Variants in EDARADD observed in about 807,000 individuals in gnomAD.
EDARADD encodes the protein ectodysplasin-A receptor-associated adapter protein.
A neutral mutation model predicts 25.6 loss-of-function variants in EDARADD; 20 were observed. The ratio of observed to expected loss-of-function variants is 0.78; its 90% CI spans 0.55 to 1.14. The LOEUF is 1.14. Among genes scored for constraint, EDARADD ranks in the 50% most tolerant of loss-of-function variants. The pLI is 0.00. For missense variants in EDARADD, 225 were observed against 270.1 expected (o/e 0.83, Z 1.17); for synonymous variants, 86 against 94.4 (o/e 0.91, Z 0.52).
intron 2 of EDARADD, among the ~76,000 whole-genome samples, chr1:236,410,612 C>T (rs551884120): frequency 2.6e-5 from 4 of 152,240 alleles, no homozygotes; most frequent in South Asian, 2.1e-4. Flanking sequence ...AGGGCCAAAG[C>T]GGTGCTCTCT....
At chr1:236,367,472 G>C (rs1432070489) in intron 3 of EDARADD, among the ~76,000 whole-genome samples, 2 of 151,846 alleles carry the variant, frequency 1.3e-5, no homozygotes, top group Non-Finnish European at 2.9e-5. Flanking sequence ...CAGGTGATCC[G>C]CCCACCTCAG....
upstream of EDARADD, among the ~76,000 whole-genome samples, chr1:236,391,327 C>A (rs1667424159): frequency 6.6e-6 from 1 of 152,122 alleles, no homozygotes; most frequent in Admixed American, 6.5e-5. Context: ...GACACTATTA[C>A]CAGAAGTTAG....
In EDARADD at chr1:236,483,964, C is replaced by T. The variant is rs1294977542; in HGVS notation, c.*1315C>T. On this transcript the variant is annotated 3_prime_UTR_variant, in exon 6 of 6. Transcript: ENST00000334232. Reference sequence around the variant, plus strand: ...CTGGAATTCAAGTTTCTCGACGACCCCACCAGGTACATCTCACCTGACTGT... The same window carrying T: ...CTGGAATTCAAGTTTCTCGACGACCTCACCAGGTACATCTCACCTGACTGT... The T allele has an allele frequency of 1.0e-5, 14 of 1,367,556 alleles. No individual in the cohort carries two copies. The highest frequency in any genetic ancestry group is 4.3e-5 in the African/African-American group (3 of 70,008). The allele number at this position is 1,367,556 out of a possible 1,614,324, so 84.7% of individuals were successfully genotyped here. A position where few individuals can be genotyped will look rare whatever the true frequency, so the allele number is the denominator to read the frequency against.
chr1:236,410,069 A>G (rs544185234), intron 2 of EDARADD, among the ~76,000 whole-genome samples: 8 of 152,108 alleles, frequency 5.3e-5, no homozygotes, highest in African/African-American at 1.9e-4. Context: ...GTTTTTTAAA[A>G]TTCATTTTAT....
intron 4 of EDARADD, among the ~76,000 whole-genome samples, chr1:236,463,996 G>A (rs751023889): frequency 1.3e-5 from 2 of 152,156 alleles, no homozygotes; most frequent in Non-Finnish European, 2.9e-5. Context: ...TGGAGAAGGT[G>A]TCCTAGCAGA....
intron 3 of EDARADD, among the ~76,000 whole-genome samples, chr1:236,414,736 G>A (rs1304763624): frequency 6.6e-6 from 1 of 152,122 alleles, no homozygotes; most frequent in Non-Finnish European, 1.5e-5. Context: ...GTGTGGGCGT[G>A]GTGGCAGGCA....
intron 3 of EDARADD, among the ~76,000 whole-genome samples, chr1:236,377,234 C>G (rs12043714): frequency 0.16 from 24,185 of 151,106 alleles, 2,419 homozygotes; most frequent in East Asian, 0.4. Flanking sequence ...CGGTTCACTG[C>G]AACCTCCACC....
At chr1:236,477,270 C>A (rs1558138205) in intron 5 of EDARADD, among the ~76,000 whole-genome samples, 1 of 151,950 alleles carries the variant, frequency 6.6e-6, no homozygotes, top group African/African-American at 2.4e-5. Context: ...AATCTCAGTA[C>A]TCTGGGAGGC....
At chr1:236,361,565 A>G (rs1455615238) in intron 3 of EDARADD, among the ~76,000 whole-genome samples, 2 of 150,260 alleles carry the variant, frequency 1.3e-5, no homozygotes, top group Non-Finnish European at 2.9e-5. Context: ...CCTGACCTTC[A>G]GTGATCTGCC....
At chr1:236,409,032 C>T (rs534478995) in intron 1 of EDARADD, among the ~76,000 whole-genome samples, 184 bp from the exon 2 acceptor site, 1 of 141,746 alleles carries the variant, frequency 7.1e-6, no homozygotes, top group East Asian at 2.1e-4. Context: ...GCTGGGATTA[C>T]AGCATGAGCT....
At position 236,482,490 on chromosome 1, in the gene EDARADD, C is replaced by T. The variant is rs1659706346; in HGVS notation, c.489C>T (p.Pro163=). The change falls in exon 6 of 6, where the codon CCC becomes CCT. Residue 163 remains proline (P), a synonymous_variant. Transcript: ENST00000334232. ...TCCTGGAGCAGAGGCCACAGAGCCCCACCTTGGAGTTCTTGCTCCGGAACA... is the reference window on the plus strand; with the variant it reads ...TCCTGGAGCAGAGGCCACAGAGCCCTACCTTGGAGTTCTTGCTCCGGAACA... ...LCFLEQRPQS[P]TLEFLLRNSQ... is the part of the protein sequence containing the mutation. 1 of 1,613,590 alleles carries T rather than the reference C, an allele frequency of 6.2e-7. No individual in the cohort carries two copies. The highest frequency in any genetic ancestry group is 2.2e-5 in the East Asian group (1 of 44,874).
chr1:236,454,722 C>T (rs1287557615), intron 4 of EDARADD, among the ~76,000 whole-genome samples: 1 of 152,218 alleles, frequency 6.6e-6, no homozygotes, highest in African/African-American at 2.4e-5. Flanking sequence ...GGGCCTGGCC[C>T]AGCACCCCCG....
At chr1:236,377,844 G>A (rs1667244469) in intron 3 of EDARADD, among the ~76,000 whole-genome samples, 1 of 151,496 alleles carries the variant, frequency 6.6e-6, no homozygotes, top group East Asian at 2.0e-4. Context: ...ACGACAGAGT[G>A]AGACTCCATT....
At chr1:236,380,380 C>T (rs763706289) in intron 3 of EDARADD, among the ~76,000 whole-genome samples, 15 of 151,730 alleles carry the variant, frequency 9.9e-5, no homozygotes, top group Non-Finnish European at 2.1e-4. Flanking sequence ...TTTATTTGAA[C>T]AATTCATAGT....
chr1:236,423,265 T>G (rs1250518804), intron 3 of EDARADD, among the ~76,000 whole-genome samples: 1 of 152,110 alleles, frequency 6.6e-6, no homozygotes, highest in Non-Finnish European at 1.5e-5. Flanking sequence ...AAAAATATAC[T>G]AGACTTGTAT....
chr1:236,483,535 T>G lies in EDARADD; in HGVS notation c.*886T>G. 9.0e-7 allele frequency: 1 copy of G among 1,109,028 alleles called. No individual in the cohort carries two copies. The highest frequency in any genetic ancestry group is 2.4e-5 in the East Asian group (1 of 42,454). 68.7% of individuals were successfully genotyped at this position (1,109,028 alleles called of 1,614,324 possible). On this transcript the variant is annotated 3_prime_UTR_variant, in exon 6 of 6. Coordinates refer to ENST00000334232, the MANE Select transcript of EDARADD (RefSeq NM_145861.4). ...CTCGCTGCCTGCAAAGCTAGTGCTG[T>G]TGAGAAGGGGGTTCCCCTGTACCAC...
chr1:236,348,477 G>C (rs1480596610), intron 1 of EDARADD, among the ~76,000 whole-genome samples: 1 of 152,344 alleles, frequency 6.6e-6, no homozygotes, highest in South Asian at 2.1e-4. Flanking sequence ...CCGTCGCCGC[G>C]CCCCTCCCTG....
intron 3 of EDARADD, among the ~76,000 whole-genome samples, chr1:236,361,569 A>G (rs1667049364): frequency 6.7e-6 from 1 of 150,046 alleles, no homozygotes; most frequent in Non-Finnish European, 1.5e-5. Context: ...ACCTTCAGTG[A>G]TCTGCCCACC....
intron 3 of EDARADD, among the ~76,000 whole-genome samples, chr1:236,384,561 T>A (rs1667332132): frequency 1.3e-5 from 2 of 152,174 alleles, no homozygotes; most frequent in Non-Finnish European, 1.5e-5. Context: ...GGCTAATTTT[T>A]AAATTTTTTT....
Sources: allele counts gnomAD v4.1 joint callset (sites outside exome capture counted in the v4.1 genomes callset), GRCh38; gene constraint gnomAD v4.1.1; transcripts MANE v1.5; gene names NCBI Gene and HGNC (gene_info 2026-07-23, HGNC 2026-07-21).